The following HTR4 variants were observed in gnomAD, a reference collection of about 807,000 sequenced individuals.
HTR4 encodes 5-hydroxytryptamine (serotonin) receptor 4, G protein-coupled.
A neutral mutation model predicts 36.8 loss-of-function variants in HTR4; 16 were observed. That is an observed-to-expected ratio of 0.43 (90% CI 0.29 to 0.66). The LOEUF (loss-of-function observed/expected upper bound fraction) is 0.66, where lower values mean the gene tolerates loss of function less well. HTR4 is among the 30% of genes least tolerant of loss of function. The pLI, the probability that HTR4 is intolerant of heterozygous loss-of-function variation, is 0.13. For synonymous variants in HTR4, 189 were observed against 185.1 expected (o/e 1.02, Z -0.17); for missense variants, 438 against 490.9 (o/e 0.89, Z 1.02).
At chr5:148,648,815 G>A (rs1277620246) in intron 1 of HTR4, among the ~76,000 whole-genome samples, 1 of 152,156 alleles carries the variant, frequency 6.6e-6, no homozygotes. Flanking sequence ...CAGACTCCTG[G>A]GAATGTGTCA....
At chr5:148,451,183 A>C (rs1473735722) in exon 6 of HTR4, 1 of 1,613,772 alleles carries the variant, frequency 6.2e-7, no homozygotes, top group African/African-American at 1.3e-5. Context: ...CCATGTCCTC[A>C]ATCAGAAGCA....
At chr5:148,543,780 T>C (rs550766309) in intron 4 of HTR4, among the ~76,000 whole-genome samples, 1 of 152,232 alleles carries the variant, frequency 6.6e-6, no homozygotes, top group South Asian at 2.1e-4. Context: ...AATACAAGCT[T>C]GTGAACAGGG....
chr5:148,574,444 A>G (rs1014907464), intron 2 of HTR4, among the ~76,000 whole-genome samples: 4 of 152,066 alleles, frequency 2.6e-5, no homozygotes, highest in African/African-American at 9.7e-5. Flanking sequence ...TTAAAAATCA[A>G]CATCTGAATG....
At chr5:148,474,970 G>A (rs539088932), downstream of HTR4, among the ~76,000 whole-genome samples, 4 of 152,048 alleles carry the variant, frequency 2.6e-5, no homozygotes, top group African/African-American at 9.6e-5. Flanking sequence ...GCTGGAACCC[G>A]GGAGGCAGAG....
intron 1 of HTR4, among the ~76,000 whole-genome samples, chr5:148,651,044 ATTACT>A (rs1351374218): frequency 6.6e-6 from 1 of 152,172 alleles, no homozygotes; most frequent in Non-Finnish European, 1.5e-5. Flanking sequence ...ACTTGGGCAC[ATTACT>A]TTACCTCTCT....
intron 5 of HTR4, chr5:148,451,346 T>C: frequency 6.2e-7 from 1 of 1,605,722 alleles, no homozygotes; most frequent in Non-Finnish European, 8.5e-7. Context: ...GAGCACTCCT[T>C]CTACTCTTGA....
At chr5:148,615,687 A>G (rs991856441) in intron 2 of HTR4, among the ~76,000 whole-genome samples, 4 of 147,480 alleles carry the variant, frequency 2.7e-5, no homozygotes, top group Admixed American at 2.0e-4. Flanking sequence ...TAATAATTAA[A>G]AAAATAAAGA....
chr5:148,622,411 C>T (rs1752948778), intron 2 of HTR4, among the ~76,000 whole-genome samples: 1 of 152,228 alleles, frequency 6.6e-6, no homozygotes. Context: ...CCAAACTTTA[C>T]TTAACCTTTC....
At chr5:148,536,333 A>T (rs1410714551) in intron 4 of HTR4, among the ~76,000 whole-genome samples, 1 of 152,188 alleles carries the variant, frequency 6.6e-6, no homozygotes, top group African/African-American at 2.4e-5. Context: ...CAAACAAGCC[A>T]GCATAATAAC....
chr5:148,457,366 T>G (rs1008237924), intron 5 of HTR4, among the ~76,000 whole-genome samples: 4 of 152,020 alleles, frequency 2.6e-5, no homozygotes, highest in African/African-American at 9.7e-5. Flanking sequence ...ATTAATTTAC[T>G]CAAACATGAC....
At chr5:148,600,347 A>G (rs1050847178) in intron 2 of HTR4, among the ~76,000 whole-genome samples, 2 of 126,734 alleles carry the variant, frequency 1.6e-5, no homozygotes, top group African/African-American at 5.7e-5. Context: ...TTATATATAT[A>G]TATTTTTTTT....
chr5:148,582,980 C>G (rs1231509916), intron 2 of HTR4, among the ~76,000 whole-genome samples: 13 of 151,326 alleles, frequency 8.6e-5, no homozygotes, highest in South Asian at 4.2e-4. Flanking sequence ...TGTTGAATAG[C>G]AGTGGTGAGA....
chr5:148,460,381 T>C (rs1458783192), intron 5 of HTR4, among the ~76,000 whole-genome samples: 2 of 151,922 alleles, frequency 1.3e-5, no homozygotes, highest in Non-Finnish European at 2.9e-5. Flanking sequence ...AGATAAAAAA[T>C]TCTGACAAAA....
At chr5:148,583,262 G>A (rs1242044082) in intron 2 of HTR4, among the ~76,000 whole-genome samples, 6 of 149,166 alleles carry the variant, frequency 4.0e-5, no homozygotes, top group African/African-American at 7.4e-5. Context: ...TATTGAACCA[G>A]CCTTGCATCC....
At chr5:148,631,090 G>A (rs1753305840) in intron 2 of HTR4, among the ~76,000 whole-genome samples, 1 of 152,060 alleles carries the variant, frequency 6.6e-6, no homozygotes, top group Non-Finnish European at 1.5e-5. Context: ...AAATATAAAT[G>A]TATCTTCTTC....
chr5:148,498,081 C>A (rs1305019552), intron 6 of HTR4, among the ~76,000 whole-genome samples: 1 of 152,170 alleles, frequency 6.6e-6, no homozygotes, highest in Non-Finnish European at 1.5e-5. Context: ...GCAATCAAAA[C>A]CCTCTAAGAA....
rs556659773 is a variant in HTR4 at position 148,523,051 on chromosome 5, AG to A, written c.507+141del. 2.3e-3 allele frequency: 1,697 copies of A among 726,338 alleles called. 25 individuals carry two copies. The highest frequency in any genetic ancestry group is 5.2e-4 in the Non-Finnish European group (239 of 456,422). The allele number at this position is 726,338 out of a possible 1,614,324, so 45.0% of individuals were successfully genotyped here. ...GGAGTTTTGTCAGTAAGCATTCAAA[AG>A]TGTTAGCTTTAAAAAAAAAAATTAT... On this transcript the variant is annotated intron_variant, in intron 5 of 6. Transcript: ENST00000377888.
At chr5:148,562,720 T>G (rs1444774213) in intron 2 of HTR4, among the ~76,000 whole-genome samples, 1 of 152,180 alleles carries the variant, frequency 6.6e-6, no homozygotes, top group Non-Finnish European at 1.5e-5. Context: ...CTGCTTCCCA[T>G]ATGAATACAT....
chr5:148,614,032 G>A (rs1245913072), intron 2 of HTR4, among the ~76,000 whole-genome samples: 1 of 150,970 alleles, frequency 6.6e-6, no homozygotes, highest in Non-Finnish European at 1.5e-5. Context: ...AAATAAAAGA[G>A]GATACAAACA....
Sources: allele counts gnomAD v4.1 joint callset (sites outside exome capture counted in the v4.1 genomes callset), GRCh38; gene constraint gnomAD v4.1.1; transcripts MANE v1.5; gene names NCBI Gene and HGNC (gene_info 2026-07-23, HGNC 2026-07-21).